The following SDCCAG8 variants were observed in gnomAD, a reference collection of about 807,000 sequenced individuals.
The protein encoded by SDCCAG8 is serologically defined colon cancer antigen 8.
SDCCAG8 carries 74 observed loss-of-function variants against 101.8 expected under a neutral mutation model. That is an observed-to-expected ratio of 0.73 (90% confidence interval 0.60 to 0.88). The LOEUF (loss-of-function observed/expected upper bound fraction) is 0.88, where lower values mean the gene tolerates loss of function less well. SDCCAG8 is among the 40% of genes least tolerant of loss of function. The pLI is 0.00. For synonymous variants in SDCCAG8, 281 were observed against 292.9 expected (o/e 0.96, Z 0.41); for missense variants, 787 against 822.6 (o/e 0.96, Z 0.53).
At chr1:243,263,179 T>C (rs201052106) in intron 1 of SDCCAG8, among the ~76,000 whole-genome samples, 1 of 152,258 alleles carries the variant, frequency 6.6e-6, no homozygotes, top group East Asian at 1.9e-4. Context: ...ACTCTTGTTT[T>C]ATTGATCTCG....
At chr1:243,495,001 T>C (rs1667427523) in intron 17 of SDCCAG8, among the ~76,000 whole-genome samples, 1 of 152,230 alleles carries the variant, frequency 6.6e-6, no homozygotes, top group Non-Finnish European at 1.5e-5. Context: ...TGTCTGTCCT[T>C]TGGGAATTCT....
chr1:243,272,717 T>C (rs969673497), intron 3 of SDCCAG8, among the ~76,000 whole-genome samples: 4 of 152,206 alleles, frequency 2.6e-5, no homozygotes, highest in African/African-American at 9.6e-5. Flanking sequence ...TATGGAGCTA[T>C]GTAAAAGAAT....
At chr1:243,477,067 T>A (rs1006576822) in intron 16 of SDCCAG8, among the ~76,000 whole-genome samples, 3 of 151,930 alleles carry the variant, frequency 2.0e-5, no homozygotes, top group African/African-American at 7.3e-5. Flanking sequence ...ATCAATCAGA[T>A]GGGGCAAAAT....
At chr1:243,332,709 T>C (rs2074706044) in intron 10 of SDCCAG8, among the ~76,000 whole-genome samples, 5 of 151,794 alleles carry the variant, frequency 3.3e-5, no homozygotes, top group Admixed American at 2.6e-4. Flanking sequence ...ATTTTCGCGG[T>C]CCAGGTCTGG....
rs1443214783 is a variant in SDCCAG8, at chr1:243,418,059, A to G, written c.1836A>G (p.Gln612=). 6.2e-7 allele frequency: 1 copy of G among 1,611,268 alleles called. No homozygotes were observed. Among genetic ancestry groups the G allele is most frequent in the African/African-American group, 1.3e-5 (1 of 74,972 alleles). The change falls in exon 15 of 18, where the codon CAA becomes CAG. Residue 612 remains glutamine, a synonymous_variant. Transcript: ENST00000366541. ...ECCTLAKKLE[Q]ISQKTRSEIA... Reference sequence around the variant, plus strand: ...GTACATTAGCCAAGAAACTGGAACAAATCTCTCAAAAAACCAGGTAGGTGA... The same window carrying G: ...GTACATTAGCCAAGAAACTGGAACAGATCTCTCAAAAAACCAGGTAGGTGA...
chr1:243,333,170 C>A (rs1180129406), intron 10 of SDCCAG8, among the ~76,000 whole-genome samples: 1 of 152,164 alleles, frequency 6.6e-6, no homozygotes, highest in African/African-American at 2.4e-5. Context: ...ATCCCTTCCC[C>A]TTCCCATGGA....
chr1:243,426,687 A>T (rs937679515), intron 16 of SDCCAG8, 129 bp downstream of exon 16: 40 of 1,137,498 alleles, frequency 3.5e-5, no homozygotes, highest in African/African-American at 9.3e-5. Context: ...CTCAAAATCT[A>T]ATACTTTATT....
chr1:243,415,721 C>T lies in SDCCAG8; in HGVS notation c.1636C>T (p.Gln546Ter). The T allele has an allele frequency of 8.1e-6, 13 of 1,613,794 alleles. No homozygotes were observed. The highest frequency in any genetic ancestry group is 1.1e-5 in the Non-Finnish European group (13 of 1,179,786). Residue 546 changes from glutamine to a stop codon, truncating the protein, a stop_gained, in exon 14 of 18, where the codon CAG (glutamine) becomes TAG (stop). Coordinates refer to ENST00000366541, the MANE Select transcript of SDCCAG8 (RefSeq NM_006642.5). LOFTEE classifies it high-confidence loss of function. ...HLTRQEKDSI[Q>*]QSFSKEAKAQ... ...TTGCAGACAGGAAAAAGATAGCATT[C>T]AGCAGAGCTTTAGCAAGGAAGCAAA... is the stretch of plus-strand genomic sequence containing the variant.
intron 16 of SDCCAG8, among the ~76,000 whole-genome samples, chr1:243,434,845 T>C (rs2082030039): frequency 6.6e-6 from 1 of 152,204 alleles, no homozygotes; most frequent in Admixed American, 6.5e-5. Flanking sequence ...TAATGAGTTA[T>C]TTAAAGCAGG....
At chr1:243,473,260 CTTAA>C (rs1435767770) in intron 16 of SDCCAG8, among the ~76,000 whole-genome samples, 2 of 152,180 alleles carry the variant, frequency 1.3e-5, no homozygotes, top group South Asian at 2.1e-4. Context: ...TCCTAACATT[CTTAA>C]TTAAGACAGT....
chr1:243,457,710 G>A (rs1658096685), intron 16 of SDCCAG8, among the ~76,000 whole-genome samples: 1 of 152,084 alleles, frequency 6.6e-6, no homozygotes, highest in Non-Finnish European at 1.5e-5. Flanking sequence ...GATTTAAGTC[G>A]CTCAAAATTC....
intron 16 of SDCCAG8, among the ~76,000 whole-genome samples, chr1:243,477,184 A>T (rs1662617216): frequency 6.6e-6 from 1 of 152,132 alleles, no homozygotes; most frequent in Middle Eastern, 3.2e-3. Context: ...ATTTTTAAGG[A>T]CGGCTTTAGG....
chr1:243,328,114 G>A (rs1019823545), intron 9 of SDCCAG8, among the ~76,000 whole-genome samples: 1 of 152,080 alleles, frequency 6.6e-6, no homozygotes, highest in Admixed American at 6.6e-5. Context: ...GTGTTAGCCA[G>A]GATGGTCTCG....
intron 6 of SDCCAG8, among the ~76,000 whole-genome samples, chr1:243,294,708 C>CA (rs1361875904): frequency 4.3e-5 from 6 of 138,528 alleles, no homozygotes; most frequent in Non-Finnish European, 7.8e-5. Flanking sequence ...CCCCCCCCCC[C>CA]CACAGCTGCC....
intron 10 of SDCCAG8, among the ~76,000 whole-genome samples, chr1:243,335,910 G>A (rs1049121403): frequency 6.6e-6 from 1 of 152,096 alleles, no homozygotes; most frequent in South Asian, 2.1e-4. Flanking sequence ...CTGTTCCTGC[G>A]TTAATTCACT....
chr1:243,267,199 C>T (rs2067684532), intron 1 of SDCCAG8: 1 of 167,914 alleles, frequency 6.0e-6, no homozygotes, highest in Non-Finnish European at 1.3e-5. Flanking sequence ...GTGAAGATCG[C>T]ACCACTACAC....
chr1:243,377,766 C>T (rs1465098963), intron 12 of SDCCAG8, among the ~76,000 whole-genome samples: 1 of 150,634 alleles, frequency 6.6e-6, no homozygotes, highest in Non-Finnish European at 1.5e-5. Context: ...AAGGAGGTTG[C>T]AATTTTTTCT....
At chr1:243,320,861 T>G (rs1030392875) in intron 9 of SDCCAG8, among the ~76,000 whole-genome samples, 1 of 152,186 alleles carries the variant, frequency 6.6e-6, no homozygotes, top group Non-Finnish European at 1.5e-5. Flanking sequence ...GCCATGTGCA[T>G]TCTTCTCTGC....
Position 243,409,125 on chromosome 1 carries a change from AC to A in SDCCAG8, c.1617-6576del, listed in dbSNP as rs1305934920. ...ACATTTGTTTAAAAAACAAGGCAAA[AC>A]AAAACAAAACTATAAGCAAATATTG... On this transcript the variant is annotated intron_variant, in intron 13 of 17. Coordinates refer to ENST00000366541, the MANE Select transcript of SDCCAG8 (RefSeq NM_006642.5). Among the ~76,000 whole-genome samples, 6 of 152,320 alleles carry A rather than the reference AC, an allele frequency of 3.9e-5. No individual in the cohort carries two copies. The South Asian group carries it at 1.0e-3, about 26-fold the overall frequency.
Sources: gnomAD v4.1 joint callset for allele counts (sites outside exome capture counted in the v4.1 genomes callset) on GRCh38, gnomAD v4.1.1 for gene constraint, MANE v1.5 for transcripts, NCBI Gene and HGNC (gene_info 2026-07-23, HGNC 2026-07-21) for gene names.